HIP1: variants seen among roughly 807,000 people sequenced by gnomAD.
HIP1 encodes the protein huntingtin-interacting protein 1.
In HIP1, 65 loss-of-function variants were observed where a neutral mutation model predicts 147.6. That is an observed-to-expected ratio of 0.44 (90% CI 0.36 to 0.54). The LOEUF (loss-of-function observed/expected upper bound fraction) is 0.54. Ranked by LOEUF, HIP1 falls within the 20% of genes least tolerant of loss-of-function variation. The pLI is 0.00. For synonymous variants in HIP1, 479 were observed against 504.0 expected (o/e 0.95, Z 0.67); for missense variants, 1,061 against 1,299.6 (o/e 0.82, Z 2.82).
chr7:75,717,010 G>T (rs1176860072), intron 1 of HIP1, among the ~76,000 whole-genome samples: 1 of 151,968 alleles, frequency 6.6e-6, no homozygotes, highest in South Asian at 2.1e-4. Context: ...GTAGAGATGG[G>T]GTCTCACTAT....
rs587733835 is a variant in HIP1, at chr7:75,604,501, T to C, written c.121-5254A>G. ...CCAGCCTGGGCAACATAGTGAGACC[T>C]CATCCCTACAAAATATTAGCTGGGT... On this transcript the variant is annotated intron_variant, in intron 1 of 30. Coordinates refer to ENST00000336926, the MANE Select transcript of HIP1 (RefSeq NM_005338.7). Among the ~76,000 whole-genome samples the C allele has an allele frequency of 2.5e-3, 377 of 152,170 alleles. 1 individual carries two copies. The highest frequency in any genetic ancestry group is 8.7e-3 in the African/African-American group (363 of 41,534).
At chr7:75,652,892 A>G (rs1476834135) in intron 1 of HIP1, among the ~76,000 whole-genome samples, 2 of 152,268 alleles carry the variant, frequency 1.3e-5, no homozygotes, top group East Asian at 1.9e-4. Flanking sequence ...GAACAGGGCA[A>G]TACCCACTCT....
intron 1 of HIP1, among the ~76,000 whole-genome samples, chr7:75,670,785 A>AGTTTTTTT (rs1799707823): frequency 1.4e-5 from 1 of 72,330 alleles, no homozygotes; most frequent in Non-Finnish European, 2.8e-5. Context: ...GCTAATTAAA[A>AGTTTTTTT]CTTTTTTTTT....
At chr7:75,688,897 CTCTG>C (rs1554517868) in intron 1 of HIP1, among the ~76,000 whole-genome samples, 1 of 152,188 alleles carries the variant, frequency 6.6e-6, no homozygotes, top group African/African-American at 2.4e-5. Flanking sequence ...CCCCTTTGTC[CTCTG>C]AGGTCCCCTG....
intron 1 of HIP1, among the ~76,000 whole-genome samples, chr7:75,604,862 A>T (rs1343407339): frequency 6.6e-6 from 1 of 152,186 alleles, no homozygotes; most frequent in Non-Finnish European, 1.5e-5. Context: ...ACACACGCAA[A>T]AATCTTATAG....
chr7:75,614,860 G>A (rs1269606974), intron 1 of HIP1, among the ~76,000 whole-genome samples: 3 of 151,866 alleles, frequency 2.0e-5, no homozygotes, highest in Admixed American at 1.3e-4. Context: ...TGCAACCTCT[G>A]CCTCCCGGGT....
chr7:75,635,577 C>CAAA (rs144914669), intron 1 of HIP1, among the ~76,000 whole-genome samples: 22 of 69,766 alleles, frequency 3.2e-4, no homozygotes, highest in East Asian at 2.4e-3. Flanking sequence ...GACTCCATCT[C>CAAA]AAAAAAAAAA....
At chr7:75,588,649 C>G (rs1039168836) in intron 4 of HIP1, among the ~76,000 whole-genome samples, 4 of 151,942 alleles carry the variant, frequency 2.6e-5, no homozygotes, top group Non-Finnish European at 5.9e-5. Context: ...TGGTGCACAC[C>G]TGTTTTCCCA....
rs78390391 is a variant in HIP1 at position 75,666,721 on chromosome 7, G to A, written c.121-67474C>T. On this transcript the variant is annotated intron_variant, in intron 1 of 30. Coordinates refer to ENST00000336926, the MANE Select transcript of HIP1 (RefSeq NM_005338.7). ...CTGCTTGTCCAATGGGAGAAAGTAC[G>A]GATGTGTTTCAGACACGGAACAGTT... Among the ~76,000 whole-genome samples, 121 of 152,224 alleles carry A rather than the reference G, an allele frequency of 7.9e-4. 1 individual carries two copies. The highest frequency in any genetic ancestry group is 4.6e-3 in the East Asian group (24 of 5,182).
chr7:75,688,936 C>T (rs1409862381), intron 1 of HIP1, among the ~76,000 whole-genome samples: 3 of 152,162 alleles, frequency 2.0e-5, no homozygotes, highest in East Asian at 3.9e-4. Context: ...TGCAGCCACG[C>T]GCAGGACCCC....
intron 9 of HIP1, 116 bp from the exon 10 acceptor site, chr7:75,563,379 A>G (rs925233169): frequency 8.6e-6 from 7 of 809,664 alleles, no homozygotes; most frequent in Non-Finnish European, 1.5e-5. Flanking sequence ...CAGGCTGTCA[A>G]GGAGATAAAC....
In HIP1 at chr7:75,547,700, A is replaced by G. The variant is rs970586991; in HGVS notation, c.2465+55T>C. 2.1e-6 allele frequency: 3 copies of G among 1,439,614 alleles called. No homozygotes were observed. The Admixed American group carries it at 5.0e-5, about 24-fold the overall frequency. The allele number at this position is 1,439,614 out of a possible 1,614,324, so 89.2% of individuals were successfully genotyped here. A position where few individuals can be genotyped will look rare whatever the true frequency, so the allele number is the denominator to read the frequency against. On this transcript the variant is annotated intron_variant, in intron 24 of 30. Transcript: ENST00000336926. ...TAATAAGTATGCAAAGTATAGACCA[A>G]TGTCAGGAAGACAGATCCTGCTCCC...
intron 1 of HIP1, among the ~76,000 whole-genome samples, chr7:75,630,816 C>T (rs1554508764): frequency 2.0e-5 from 3 of 152,188 alleles, no homozygotes; most frequent in African/African-American, 7.2e-5. Context: ...CAGCAGTGAT[C>T]ATTCTGCAAG....
intron 1 of HIP1, among the ~76,000 whole-genome samples, chr7:75,664,409 CACAT>C (rs1799479817): frequency 7.1e-6 from 1 of 140,988 alleles, no homozygotes; most frequent in Non-Finnish European, 1.5e-5. Flanking sequence ...TACATATATA[CACAT>C]ACATATGTGT....
At chr7:75,676,630 G>C (rs1295782189) in intron 1 of HIP1, among the ~76,000 whole-genome samples, 2 of 151,154 alleles carry the variant, frequency 1.3e-5, no homozygotes, top group African/African-American at 4.9e-5. Flanking sequence ...CACAAAATTA[G>C]GTGGGCCTGG....
At chr7:75,601,287 G>A (rs1796962105) in intron 1 of HIP1, among the ~76,000 whole-genome samples, 1 of 150,882 alleles carries the variant, frequency 6.6e-6, no homozygotes, top group South Asian at 2.1e-4. Context: ...CTAACACCTG[G>A]TTTTGAAAAT....
intron 1 of HIP1, among the ~76,000 whole-genome samples, chr7:75,692,482 G>A (rs1186496061): frequency 6.6e-6 from 1 of 151,440 alleles, no homozygotes; most frequent in African/African-American, 2.4e-5. Context: ...GTACAGTGGC[G>A]CGATCTTGGC....
intron 1 of HIP1, among the ~76,000 whole-genome samples, chr7:75,719,333 T>TACTAAAATA (rs1730827593): frequency 6.6e-6 from 1 of 151,606 alleles, no homozygotes; most frequent in African/African-American, 2.4e-5. Context: ...TGAAACCCCG[T>TACTAAAATA]CTCTACTAAA....
chr7:75,571,593 AT>A (rs1169722077), intron 8 of HIP1, among the ~76,000 whole-genome samples: 1 of 151,840 alleles, frequency 6.6e-6, no homozygotes, highest in Non-Finnish European at 1.5e-5. Context: ...TATTTATTTT[AT>A]TTTTTTTAGG....
Sources: gnomAD v4.1 joint callset for allele counts (sites outside exome capture counted in the v4.1 genomes callset) on GRCh38, gnomAD v4.1.1 for gene constraint, MANE v1.5 for transcripts, NCBI Gene and HGNC (gene_info 2026-07-23, HGNC 2026-07-21) for gene names.